The following SPRR2B variants were observed in gnomAD, a reference collection of about 807,000 sequenced individuals.
The protein encoded by SPRR2B is small proline rich protein 2B, also known as small proline-rich protein 2B.
Under a neutral mutation model 1.0 loss-of-function variants are expected in SPRR2B, and 1 was observed. The observed-to-expected ratio is 1.01, with a 90% CI of 0.36 to 4.77. The LOEUF (loss-of-function observed/expected upper bound fraction) is 4.77, where lower values mean the gene tolerates loss of function less well. Among genes scored for constraint, SPRR2B ranks in the 30% most tolerant of loss-of-function variants. The pLI, the probability that SPRR2B is intolerant of heterozygous loss-of-function variation, is 0.16. For synonymous variants in SPRR2B, 27 were observed against 33.4 expected (o/e 0.81, Z 0.66); for missense variants, 53 against 88.7 (o/e 0.60, Z 1.62).
upstream of SPRR2B, among the ~76,000 whole-genome samples, chr1:153,074,709 T>C (rs555952648): frequency 2.0e-5 from 3 of 152,374 alleles, no homozygotes; most frequent in Admixed American, 6.5e-5. Flanking sequence ...AAATTACAGA[T>C]GATACCTATT....
chr1:153,080,061 T>C, the SPRR2B span, among the ~76,000 whole-genome samples: 1 of 152,186 alleles, frequency 6.6e-6, no homozygotes, highest in African/African-American at 2.4e-5. Context: ...TTTGTAGTTC[T>C]CCTTGAAGAG....
upstream of SPRR2B, among the ~76,000 whole-genome samples, chr1:153,075,378 TA>T (rs995402658): frequency 5.4e-5 from 8 of 148,668 alleles, no homozygotes; most frequent in South Asian, 6.4e-4. Context: ...AAAATAAAAA[TA>T]AAAAAAAACA....
the SPRR2B span, among the ~76,000 whole-genome samples, chr1:153,079,105 G>A: frequency 3.9e-5 from 6 of 152,292 alleles, no homozygotes; most frequent in East Asian, 3.9e-4. Flanking sequence ...GCATTTCTCC[G>A]ATGGCCAGTG....
rs550805368 is a variant in SPRR2B, at chr1:153,070,728, G to T, written c.112C>A (p.Pro38Thr). 1.2e-6 allele frequency: 2 copies of T among 1,609,734 alleles called. No homozygotes were observed. Among genetic ancestry groups the T allele is most frequent in the Middle Eastern group, 2.2e-4 (1 of 4,496 alleles). ...PPPKCPEPCP[P>T]PKCPQPCPPQ... Reference sequence around the variant, plus strand: ...GGGCAGGGCTGTGGACACTTTGGTGGTGGGCAGGGCTCAGGGCACTTCGGG... The same window carrying T: ...GGGCAGGGCTGTGGACACTTTGGTGTTGGGCAGGGCTCAGGGCACTTCGGG... Residue 38 changes from proline to threonine, a missense_variant, in exon 2 of 2, where the codon CCA becomes ACA. Transcript: ENST00000368755.
chr1:153,082,651 G>A, the SPRR2B span, among the ~76,000 whole-genome samples: 94 of 151,910 alleles, frequency 6.2e-4, no homozygotes, highest in African/African-American at 1.8e-3. Flanking sequence ...ATTAGAAATC[G>A]CTTGAGACTA....
chr1:153,086,291 T>A, the SPRR2B span, among the ~76,000 whole-genome samples: 1 of 152,136 alleles, frequency 6.6e-6, no homozygotes, highest in Non-Finnish European at 1.5e-5. Flanking sequence ...CAATCTCACA[T>A]ACAATGACCC....
At chr1:153,073,732 CA>C (rs1413412281), upstream of SPRR2B, among the ~76,000 whole-genome samples, 2 of 145,912 alleles carry the variant, frequency 1.4e-5, no homozygotes, top group African/African-American at 5.0e-5. Flanking sequence ...CACACACACA[CA>C]ACATGAGTCT....
the SPRR2B span, among the ~76,000 whole-genome samples, chr1:153,080,508 T>C: frequency 3.9e-5 from 6 of 152,122 alleles, no homozygotes; most frequent in African/African-American, 1.4e-4. Flanking sequence ...AACTAAAAAC[T>C]TATAATCAAA....
At chr1:153,081,750 T>C in the SPRR2B span, among the ~76,000 whole-genome samples, 1 of 152,002 alleles carries the variant, frequency 6.6e-6, no homozygotes, top group Non-Finnish European at 1.5e-5. Flanking sequence ...ACACAATATA[T>C]AAAGATGTAA....
At chr1:153,085,008 G>C in the SPRR2B span, among the ~76,000 whole-genome samples, 1 of 152,170 alleles carries the variant, frequency 6.6e-6, no homozygotes, top group Non-Finnish European at 1.5e-5. Flanking sequence ...ATGAGATAAA[G>C]AAATTAAAAC....
At chr1:153,087,688 G>A in the SPRR2B span, among the ~76,000 whole-genome samples, 2 of 152,104 alleles carry the variant, frequency 1.3e-5, no homozygotes, top group East Asian at 1.9e-4. Context: ...TCCAAACCCT[G>A]AGCCAGGAAG....
At chr1:153,072,357 T>C (rs1654685024), upstream of SPRR2B, among the ~76,000 whole-genome samples, 1 of 152,236 alleles carries the variant, frequency 6.6e-6, no homozygotes, top group South Asian at 2.1e-4. Flanking sequence ...ACAGCCTTTT[T>C]ATTTATAGAA....
Position 153,070,353 on chromosome 1 carries a change from C to G in SPRR2B, c.*268G>C, listed in dbSNP as rs1306605691. 9 of 606,442 alleles carry G rather than the reference C, an allele frequency of 1.5e-5. No homozygotes were observed. Among genetic ancestry groups the G allele is most frequent in the Non-Finnish European group, 2.2e-5 (8 of 359,584 alleles). 37.6% of individuals were successfully genotyped at this position (606,442 alleles called of 1,614,324 possible). On this transcript the variant is annotated 3_prime_UTR_variant, in exon 2 of 2. Coordinates refer to ENST00000368755, the MANE Select transcript of SPRR2B (RefSeq NM_001388198.1). ...AGAATTCTCTGATGGTTCCCAGGCA[C>G]ACAGCTGCAGCTCTTTCTGCTGAAG...
the SPRR2B span, among the ~76,000 whole-genome samples, chr1:153,085,939 A>G: frequency 6.6e-6 from 1 of 152,358 alleles, no homozygotes; most frequent in Admixed American, 6.5e-5. Flanking sequence ...ACTCAGCTTC[A>G]TAAGTTAAAG....
At chr1:153,076,482 C>G (rs1399743573), upstream of SPRR2B, among the ~76,000 whole-genome samples, 6 of 151,856 alleles carry the variant, frequency 4.0e-5, no homozygotes, top group Non-Finnish European at 4.4e-5. Flanking sequence ...CCAAAAAAGT[C>G]AAAAAGGAAA....
At chr1:153,082,445 T>C in the SPRR2B span, among the ~76,000 whole-genome samples, 2 of 152,208 alleles carry the variant, frequency 1.3e-5, no homozygotes, top group East Asian at 3.8e-4. Flanking sequence ...CTCTCCAGGA[T>C]AGACAACATC....
upstream of SPRR2B, among the ~76,000 whole-genome samples, chr1:153,075,432 G>T (rs1191851840): frequency 3.3e-5 from 5 of 151,854 alleles, no homozygotes; most frequent in African/African-American, 1.2e-4. Flanking sequence ...AAAAAAATCA[G>T]GAATGAGTTT....
upstream of SPRR2B, among the ~76,000 whole-genome samples, chr1:153,073,567 C>T (rs1654715446): frequency 1.3e-5 from 2 of 152,094 alleles, no homozygotes; most frequent in South Asian, 2.1e-4. Flanking sequence ...AGATGGTGAA[C>T]TGGAAACTCA....
the SPRR2B span, among the ~76,000 whole-genome samples, chr1:153,079,821 T>C: frequency 6.6e-6 from 1 of 152,122 alleles, no homozygotes; most frequent in East Asian, 1.9e-4. Context: ...TTTGTTCTTT[T>C]GGCTTAGGAT....
Sources: allele counts gnomAD v4.1 joint callset (sites outside exome capture counted in the v4.1 genomes callset), GRCh38; gene constraint gnomAD v4.1.1; transcripts MANE v1.5; gene names NCBI Gene and HGNC (gene_info 2026-07-23, HGNC 2026-07-21).